The following SPPL3 variants were observed in gnomAD, a reference collection of about 807,000 sequenced individuals.
The protein encoded by SPPL3 is signal peptide peptidase-like 3.
A neutral mutation model predicts 42.4 loss-of-function variants in SPPL3; 5 were observed. That is an observed-to-expected ratio of 0.12 (90% confidence interval 0.06 to 0.25). The LOEUF is 0.25. SPPL3 is among the 10% of genes least tolerant of loss of function. The probability of loss-of-function intolerance (pLI) is 1.00; values close to 1 mark genes in which losing one functional copy is unlikely to be tolerated. For synonymous variants in SPPL3, 195 were observed against 181.8 expected, an observed-to-expected ratio of 1.07 and a Z score of -0.58; for missense variants, 235 against 489.0, an observed-to-expected ratio of 0.48 and a Z score of 4.90.
intron 1 of SPPL3, among the ~76,000 whole-genome samples, chr12:120,836,210 G>T (rs1871613420): frequency 6.6e-6 from 1 of 151,534 alleles, no homozygotes; most frequent in South Asian, 2.1e-4. Context: ...CTTGAATCTG[G>T]GCTATCCTTG....
At chr12:120,896,864 G>A (rs1251892375) in intron 1 of SPPL3, among the ~76,000 whole-genome samples, 1 of 151,618 alleles carries the variant, frequency 6.6e-6, no homozygotes, top group Non-Finnish European at 1.5e-5. Flanking sequence ...TCCTAAGAAG[G>A]AACCATTAAA....
At chr12:120,837,348 T>C (rs1871655162) in intron 1 of SPPL3, among the ~76,000 whole-genome samples, 1 of 152,210 alleles carries the variant, frequency 6.6e-6, no homozygotes, top group Non-Finnish European at 1.5e-5. Flanking sequence ...AGAGGTACTT[T>C]CCTCATATTT....
In SPPL3 at chr12:120,799,180, T is replaced by C. The variant is rs573398761; in HGVS notation, c.102-7623A>G. Among the ~76,000 whole-genome samples the C allele has an allele frequency of 7.9e-5, 12 of 152,178 alleles. No individual in the cohort carries two copies. In the South Asian group the frequency reaches 1.4e-3, roughly 18 times the overall value. ...CATCTAACCTACTGAACATCATAGT[T>C]TAGCCCAGCCTACCTTAAACGTGCT... On this transcript the variant is annotated intron_variant, in intron 2 of 10. Transcript: ENST00000353487.
At chr12:120,789,824 CAAAAAAAAA>C (rs3050392) in intron 3 of SPPL3, among the ~76,000 whole-genome samples, 1,975 of 30,426 alleles carry the variant, frequency 0.065, 33 homozygotes, top group Non-Finnish European at 0.093. Context: ...GACTCCGTCT[CAAAAAAAAA>C]AAAAAAAAAA....
intron 3 of SPPL3, among the ~76,000 whole-genome samples, chr12:120,787,660 T>TTC (rs141234702): frequency 3.3e-5 from 5 of 151,814 alleles, no homozygotes; most frequent in South Asian, 4.2e-4. Flanking sequence ...AATCACTACT[T>TTC]TCTCTCTCTC....
chr12:120,824,689 T>C (rs984923745), intron 1 of SPPL3, among the ~76,000 whole-genome samples: 3 of 152,052 alleles, frequency 2.0e-5, no homozygotes, highest in Non-Finnish European at 4.4e-5. Flanking sequence ...TGCCACCACA[T>C]CAGGCTAATT....
Position 120,766,319 on chromosome 12 carries a change from G to T in SPPL3, c.1027C>A (p.Leu343Ile). 1 of 1,600,706 alleles carries T rather than the reference G, an allele frequency of 6.2e-7. No homozygotes were observed. ...AAAGTAAATGGCACCAAATAGAGAA[G>T]GGCGGGCTGGGCGGCCCGGTGAATG... ...SRIHRAAQPA[L>I]LYLVPFTLLP... The change falls in exon 10 of 11, where the codon CTT becomes ATT. Residue 343 changes from leucine to isoleucine, a missense_variant. By Grantham distance (5) the Leu-to-Ile change is conservative (BLOSUM62 2). Transcript: ENST00000353487.
chr12:120,857,284 A>G (rs1872493336), intron 1 of SPPL3, among the ~76,000 whole-genome samples: 1 of 152,208 alleles, frequency 6.6e-6, no homozygotes, highest in Non-Finnish European at 1.5e-5. Context: ...ATACCATCTC[A>G]CACCAGTCAG....
At chr12:120,780,607 G>C (rs1410700226) in intron 6 of SPPL3, among the ~76,000 whole-genome samples, 1 of 135,606 alleles carries the variant, frequency 7.4e-6, no homozygotes, top group Non-Finnish European at 1.6e-5. Flanking sequence ...AAAAAAAAAA[G>C]CTGGGCGTGG....
intron 1 of SPPL3, among the ~76,000 whole-genome samples, chr12:120,877,200 A>G (rs190269897): frequency 6.6e-5 from 10 of 152,356 alleles, no homozygotes; most frequent in African/African-American, 2.2e-4. Context: ...AAACAGGCCA[A>G]TATCTGGTAA....
chr12:120,841,090 C>G (rs1871811252), intron 1 of SPPL3, among the ~76,000 whole-genome samples: 1 of 152,134 alleles, frequency 6.6e-6, no homozygotes, highest in African/African-American at 2.4e-5. Flanking sequence ...CTTTGGGAAG[C>G]TGAGACAGGT....
intron 1 of SPPL3, among the ~76,000 whole-genome samples, chr12:120,857,873 T>C (rs754189317): frequency 5.3e-5 from 8 of 152,206 alleles, no homozygotes; most frequent in Non-Finnish European, 8.8e-5. Flanking sequence ...CGGGGCTTAA[T>C]ACCTCGGTGA....
At chr12:120,791,369 C>A in intron 3 of SPPL3, 100 bp downstream of exon 3, 1 of 747,110 alleles carries the variant, frequency 1.3e-6, no homozygotes. Flanking sequence ...TTATACCAAT[C>A]ATAAATCCTT....
intron 1 of SPPL3, among the ~76,000 whole-genome samples, chr12:120,864,511 G>C (rs1033693172): frequency 6.6e-6 from 1 of 152,220 alleles, no homozygotes; most frequent in South Asian, 2.1e-4. Flanking sequence ...CTCCAGCCCA[G>C]ACAAGAACGA....
intron 6 of SPPL3, among the ~76,000 whole-genome samples, chr12:120,779,750 G>A (rs1435077342): frequency 6.1e-5 from 9 of 146,644 alleles, no homozygotes; most frequent in Admixed American, 2.1e-4. Context: ...TGAGGCGGGT[G>A]GATCACCTGA....
At chr12:120,819,097 A>AG (rs1332827669) in intron 1 of SPPL3, among the ~76,000 whole-genome samples, 1 of 152,238 alleles carries the variant, frequency 6.6e-6, no homozygotes, top group Non-Finnish European at 1.5e-5. Context: ...TTGGAAAAGA[A>AG]GGAGTACTTC....
chr12:120,903,602 A>G (rs933653451), intron 1 of SPPL3: 25 of 465,524 alleles, frequency 5.4e-5, no homozygotes, highest in African/African-American at 4.2e-4. Context: ...GCCCATAGCC[A>G]GATGACATCC....
At chr12:120,819,242 T>G (rs1870975570) in intron 1 of SPPL3, among the ~76,000 whole-genome samples, 1 of 149,292 alleles carries the variant, frequency 6.7e-6, no homozygotes, top group Non-Finnish European at 1.5e-5. Flanking sequence ...TTTACTATAT[T>G]ACATTAAAAT....
chr12:120,805,831 C>G (rs1338744272), intron 2 of SPPL3, among the ~76,000 whole-genome samples: 1 of 151,922 alleles, frequency 6.6e-6, no homozygotes, highest in Non-Finnish European at 1.5e-5. Flanking sequence ...CTGAAAATTA[C>G]AAAACACTAT....
Sources: allele counts gnomAD v4.1 joint callset (sites outside exome capture counted in the v4.1 genomes callset), GRCh38; gene constraint gnomAD v4.1.1; transcripts MANE v1.5; gene names NCBI Gene and HGNC (gene_info 2026-07-23, HGNC 2026-07-21).